The following ATXN1 variants were observed in gnomAD, a reference collection of about 807,000 sequenced individuals.
The protein encoded by ATXN1 is ataxin 1.
Under a neutral mutation model 56.4 loss-of-function variants are expected in ATXN1, and 8 were observed. That is an observed-to-expected ratio of 0.14 (90% CI 0.08 to 0.26). ATXN1 has a LOEUF of 0.26. Ranked by LOEUF, ATXN1 falls within the 10% of genes least tolerant of loss-of-function variation. The pLI is 1.00. For synonymous variants in ATXN1, 514 were observed against 494.6 expected, an observed-to-expected ratio of 1.04 and a Z score of -0.52; for missense variants, 987 against 1,106.5, an observed-to-expected ratio of 0.89 and a Z score of 1.53.
At chr6:16,345,805 T>C (rs1761370597) in intron 6 of ATXN1, among the ~76,000 whole-genome samples, 1 of 152,118 alleles carries the variant, frequency 6.6e-6, no homozygotes, top group Non-Finnish European at 1.5e-5. Context: ...TACAGCAGCC[T>C]CTCCTGGGGC....
At chr6:16,628,089 A>G (rs1225049171) in intron 3 of ATXN1, among the ~76,000 whole-genome samples, 2 of 152,240 alleles carry the variant, frequency 1.3e-5, no homozygotes, top group Non-Finnish European at 2.9e-5. Flanking sequence ...AAATAAAAAT[A>G]AACAGACACC....
chr6:16,321,100 C>T (rs566995047), intron 7 of ATXN1, among the ~76,000 whole-genome samples: 5 of 152,154 alleles, frequency 3.3e-5, no homozygotes, highest in African/African-American at 1.2e-4. Context: ...GTGCTACTGA[C>T]GGGTGAGGGA....
At chr6:16,623,485 T>C (rs1763354902) in intron 3 of ATXN1, among the ~76,000 whole-genome samples, 1 of 152,236 alleles carries the variant, frequency 6.6e-6, no homozygotes. Context: ...ATTTCCATTC[T>C]GTTAAATTTC....
chr6:16,484,840 C>T (rs1760508299), intron 6 of ATXN1, among the ~76,000 whole-genome samples: 1 of 151,774 alleles, frequency 6.6e-6, no homozygotes, highest in African/African-American at 2.4e-5. Context: ...CTGATATATG[C>T]TACACTTTGC....
intron 4 of ATXN1, among the ~76,000 whole-genome samples, chr6:16,548,752 C>T (rs567851309): frequency 1.3e-5 from 2 of 151,996 alleles, no homozygotes; most frequent in East Asian, 1.9e-4. Flanking sequence ...AGTAAAACTC[C>T]GTCTCTGCTA....
chr6:16,652,941 G>T (rs1332533901), intron 3 of ATXN1: 1 of 152,168 alleles, frequency 6.6e-6, no homozygotes, highest in Non-Finnish European at 1.5e-5. Context: ...GAAGGTGCTT[G>T]CTTTTTCACA....
At chr6:16,324,662 C>G (rs1231674314) in intron 7 of ATXN1, among the ~76,000 whole-genome samples, 2 of 152,230 alleles carry the variant, frequency 1.3e-5, no homozygotes, top group Admixed American at 1.3e-4. Context: ...AAGCTCTCAG[C>G]TGCAGGCTGA....
In ATXN1 at chr6:16,576,835, G is replaced by A. The variant is rs115153649; in HGVS notation, c.-361+8945C>T. 4.1e-3 allele frequency among the ~76,000 whole-genome samples: 618 copies of A among 152,128 alleles called. 2 individuals are homozygous for A. Among genetic ancestry groups the A allele is most frequent in the African/African-American group, 0.014 (585 of 41,480 alleles). On this transcript the variant is annotated intron_variant, in intron 4 of 7. Transcript: ENST00000436367. ...TTATAAATACAGCTGGCCCCACCCCGAGCATGCATGGAGTATACACAAACA... is the reference window on the plus strand; with the variant it reads ...TTATAAATACAGCTGGCCCCACCCCAAGCATGCATGGAGTATACACAAACA...
intron 4 of ATXN1, among the ~76,000 whole-genome samples, chr6:16,545,443 C>T (rs1176464419): frequency 6.6e-6 from 1 of 151,538 alleles, no homozygotes; most frequent in Admixed American, 6.6e-5. Flanking sequence ...GCTGAAAAGG[C>T]CACAGCATGT....
intron 3 of ATXN1, among the ~76,000 whole-genome samples, chr6:16,614,752 G>A (rs1278988249): frequency 4.0e-5 from 6 of 151,302 alleles, no homozygotes; most frequent in South Asian, 2.1e-4. Flanking sequence ...GTGAAACTCC[G>A]TCTCTACTAA....
At position 16,306,496 on chromosome 6, in the gene ATXN1, T is replaced by G; in HGVS notation, c.2281A>C (p.Ile761Leu). ...GTTGCCGCGGGCTTGCTGGGTTCTA[T>G]TTTGGTGAGGAAGGGCGCTGCAGGC... ...GLPAAPFLTK[I>L]EPSKPAATRK... The change falls in exon 8 of 8, where the codon ATA becomes CTA. Residue 761 changes from isoleucine (I) to leucine (L), a missense_variant. Around this residue, in one of 3 missense-constraint regions of ATXN1, gnomAD observed 196 missense variants for 196.7 expected, o/e 1.00. Coordinates refer to ENST00000436367, the MANE Select transcript of ATXN1 (RefSeq NM_001128164.2). This position sits in a 1 kb window ranked among gnomAD's most constrained non-coding sequence, Gnocchi z 5.2. 1 of 1,614,178 alleles carries G rather than the reference T, an allele frequency of 6.2e-7. No homozygotes were observed. The highest frequency in any genetic ancestry group is 8.5e-7 in the Non-Finnish European group (1 of 1,180,030).
At chr6:16,313,033 A>G (rs979384458) in intron 7 of ATXN1, among the ~76,000 whole-genome samples, 3 of 152,032 alleles carry the variant, frequency 2.0e-5, no homozygotes, top group African/African-American at 7.2e-5. Flanking sequence ...ATGTGCCACC[A>G]CACCTGGCTA....
intron 6 of ATXN1, among the ~76,000 whole-genome samples, chr6:16,374,185 C>T (rs904154881): frequency 7.1e-6 from 1 of 140,722 alleles, no homozygotes; most frequent in South Asian, 2.4e-4. Flanking sequence ...AAGGAACTTA[C>T]AATCCAGCTT....
At chr6:16,678,960 C>T (rs972531937) in intron 2 of ATXN1, among the ~76,000 whole-genome samples, 19 of 151,412 alleles carry the variant, frequency 1.3e-4, no homozygotes, top group Admixed American at 8.6e-4. Flanking sequence ...CGCTTGAACT[C>T]GAGAGACAGA....
intron 6 of ATXN1, among the ~76,000 whole-genome samples, chr6:16,382,740 C>A (rs1362025767): frequency 2.6e-5 from 4 of 152,080 alleles, no homozygotes; most frequent in African/African-American, 9.6e-5. Flanking sequence ...GGTGTCCAAT[C>A]TTTTGGCTTC....
intron 3 of ATXN1, among the ~76,000 whole-genome samples, chr6:16,595,177 G>C (rs1049564292): frequency 7.2e-5 from 11 of 152,218 alleles, no homozygotes; most frequent in African/African-American, 2.7e-4. Context: ...CAGAGGAAGA[G>C]AGGGCTGATT....
At chr6:16,371,565 T>A (rs899592743) in intron 6 of ATXN1, among the ~76,000 whole-genome samples, 2 of 152,080 alleles carry the variant, frequency 1.3e-5, no homozygotes, top group African/African-American at 4.8e-5. Context: ...TGTTTTCTTT[T>A]TTTTGAGCCG....
chr6:16,411,272 A>C (rs1181713069), intron 6 of ATXN1, among the ~76,000 whole-genome samples: 2 of 152,158 alleles, frequency 1.3e-5, no homozygotes, highest in African/African-American at 2.4e-5. Context: ...AATAATAATA[A>C]TAACATAACT....
chr6:16,626,481 G>A (rs181883574), intron 3 of ATXN1, among the ~76,000 whole-genome samples: 9 of 151,942 alleles, frequency 5.9e-5, no homozygotes, highest in Middle Eastern at 3.2e-3. Context: ...TAGTAGAGAC[G>A]GGGTTTCACC....
Sources: allele counts gnomAD v4.1 joint callset (sites outside exome capture counted in the v4.1 genomes callset), GRCh38; gene constraint gnomAD v4.1.1; regional missense constraint gnomAD v4.1.1; non-coding constraint Gnocchi (gnomAD v3.1); transcripts MANE v1.5; gene names NCBI Gene and HGNC (gene_info 2026-07-23, HGNC 2026-07-21).